The following TMEM245 variants were observed in gnomAD, a reference collection of about 807,000 sequenced individuals.
TMEM245 encodes transmembrane protein 245.
TMEM245 carries 69 observed loss-of-function variants against 101.2 expected under a neutral mutation model. The ratio of observed to expected loss-of-function variants is 0.68; its 90% confidence interval spans 0.56 to 0.83. The LOEUF is 0.83. Among genes scored for constraint, TMEM245 ranks in the 40% least tolerant of loss-of-function variants. The pLI is 0.00. For synonymous variants in TMEM245, 537 were observed against 449.8 expected, an observed-to-expected ratio of 1.19 and a Z score of -2.45; for missense variants, 1,075 against 1,092.8, an observed-to-expected ratio of 0.98 and a Z score of 0.23.
At chr9:109,021,120 C>T (rs535448258) in intron 17 of TMEM245, among the ~76,000 whole-genome samples, 1 of 152,276 alleles carries the variant, frequency 6.6e-6, no homozygotes, top group African/African-American at 2.4e-5. Flanking sequence ...GGTGGCTGAG[C>T]ACCGTGCCTG....
At chr9:109,073,218 AT>A in intron 9 of TMEM245, 137 bp downstream of exon 9, 2 of 670,988 alleles carry the variant, frequency 3.0e-6, no homozygotes, top group East Asian at 5.2e-5. Context: ...TTCTTCAAAA[AT>A]GACAATATTT....
chr9:109,086,405 C>T (rs1223754482), intron 6 of TMEM245, among the ~76,000 whole-genome samples: 1 of 152,142 alleles, frequency 6.6e-6, no homozygotes, highest in Non-Finnish European at 1.5e-5. Context: ...ATCACTTCCT[C>T]TGCTAACCTT....
Position 109,091,087 on chromosome 9 carries a change from T to C in TMEM245, c.985A>G (p.Thr329Ala), listed in dbSNP as rs1829991253. ...TSPSPSSPSP[T>A]SPSPTLGRRR... ...CTGCCCAGAGTAGGTGAAGGGGAAG[T>C]GGGTGAAGGGGAGGAGGGTGAAGGG... is the stretch of plus-strand genomic sequence containing the variant. The change falls in exon 5 of 18, where the codon ACT becomes GCT. Residue 329 changes from threonine to alanine, a missense_variant. Around this residue, in one of 2 missense-constraint regions of TMEM245, gnomAD observed 808 missense variants for 741.5 expected, o/e 1.09. Coordinates refer to ENST00000374586, the MANE Select transcript of TMEM245 (RefSeq NM_032012.4). 1.2e-6 allele frequency: 2 copies of C among 1,613,666 alleles called. No homozygotes were observed. Among genetic ancestry groups the C allele is most frequent in the Admixed American group, 1.7e-5 (1 of 59,980 alleles).
rs757955000 is a variant in TMEM245 at position 109,050,576 on chromosome 9, G to C, written c.1971C>G (p.Leu657=). The C allele has an allele frequency of 1.2e-6, 2 of 1,613,808 alleles. No individual in the cohort carries two copies. The highest frequency in any genetic ancestry group is 1.7e-5 in the Admixed American group (1 of 59,946). The change falls in exon 13 of 18, where the codon CTC becomes CTG. Residue 657 remains leucine (L), a synonymous_variant. Transcript: ENST00000374586. The part of the protein sequence containing the change: ...YSGTALLNFV[L]SLIIFLTTLF... ...CTTATCTATGTGGACGTACCAGAGA[G>C]AGTACAAAATTGAGAAGGGCTGTCC... is the stretch of plus-strand genomic sequence containing the variant.
chr9:109,067,819 T>C (rs1419454716), intron 9 of TMEM245, among the ~76,000 whole-genome samples: 1 of 152,144 alleles, frequency 6.6e-6, no homozygotes, highest in Non-Finnish European at 1.5e-5. Context: ...ACATGGGCCA[T>C]ATAAAACCAC....
chr9:109,060,591 T>G, intron 10 of TMEM245, 139 bp from the exon 11 acceptor site: 1 of 579,162 alleles, frequency 1.7e-6, no homozygotes, highest in Non-Finnish European at 3.0e-6. Context: ...TATTACGTTC[T>G]TTCCTTAAAT....
intron 10 of TMEM245, among the ~76,000 whole-genome samples, chr9:109,064,064 T>C (rs1387932643): frequency 6.6e-6 from 1 of 152,056 alleles, no homozygotes; most frequent in Non-Finnish European, 1.5e-5. Context: ...AAATAATTCA[T>C]ACTGCAGGCT....
chr9:109,039,334 C>A (rs746755927), intron 14 of TMEM245: 1 of 151,978 alleles, frequency 6.6e-6, no homozygotes, highest in South Asian at 2.1e-4. Context: ...CAAAAGGAAG[C>A]GAAAGACCCC....
chr9:109,019,668 A>T lies in TMEM245; in HGVS notation c.*792T>A, dbSNP rs1218211612. 6.6e-6 allele frequency: 1 copy of T among 152,586 alleles called. No individual in the cohort carries two copies. The highest frequency in any genetic ancestry group is 1.5e-5 in the Non-Finnish European group (1 of 68,040). 9.5% of individuals were successfully genotyped at this position (152,586 alleles called of 1,614,324 possible). On this transcript the variant is annotated 3_prime_UTR_variant, in exon 18 of 18. Transcript: ENST00000374586. ...AAATCAGAGTATTGCTACACCTGAG[A>T]TTTTTCACTTCAACCACCTGGAAGG...
intron 8 of TMEM245, among the ~76,000 whole-genome samples, chr9:109,077,099 G>C (rs1167102595): frequency 6.6e-6 from 1 of 151,142 alleles, no homozygotes; most frequent in Non-Finnish European, 1.5e-5. Context: ...TAATATAAAA[G>C]AATATAATTG....
chr9:109,046,336 G>A, intron 14 of TMEM245: 1 of 533,054 alleles, frequency 1.9e-6, no homozygotes, highest in Non-Finnish European at 3.9e-6. Flanking sequence ...GGGAAGAAGG[G>A]TGTGATGTAT....
At chr9:109,042,621 C>G (rs1828345452) in intron 14 of TMEM245, 1 of 152,036 alleles carries the variant, frequency 6.6e-6, no homozygotes, top group Non-Finnish European at 1.5e-5. Flanking sequence ...CTCCTTCATT[C>G]TGACTCTCCT....
At chr9:109,022,093 A>G (rs1827643936) in intron 17 of TMEM245, among the ~76,000 whole-genome samples, 1 of 152,218 alleles carries the variant, frequency 6.6e-6, no homozygotes, top group South Asian at 2.1e-4. Context: ...AGATCAATTA[A>G]AGACTAACCT....
chr9:109,041,596 G>A (rs755953822), intron 14 of TMEM245, among the ~76,000 whole-genome samples: 1 of 150,428 alleles, frequency 6.6e-6, no homozygotes, highest in African/African-American at 2.5e-5. Flanking sequence ...CCCAGGGGCT[G>A]AGAGATGGTC....
intron 2 of TMEM245, among the ~76,000 whole-genome samples, chr9:109,106,855 G>A (rs1188075444): frequency 6.6e-6 from 1 of 152,002 alleles, no homozygotes; most frequent in Admixed American, 6.6e-5. Context: ...TACCTTTAAT[G>A]GGGTTCTATT....
intron 9 of TMEM245, 199 bp downstream of exon 9, chr9:109,073,157 T>A: frequency 1.8e-6 from 1 of 560,474 alleles, no homozygotes; most frequent in Admixed American, 3.1e-5. Flanking sequence ...CCATGAATTG[T>A]ACCTAAAATC....
chr9:109,064,405 T>C, intron 10 of TMEM245, 72 bp downstream of exon 10: 1 of 1,367,374 alleles, frequency 7.3e-7, no homozygotes, highest in African/African-American at 1.5e-5. Flanking sequence ...ACTTATGTTT[T>C]ATCAAAGCAA....
chr9:109,086,805 A>G (rs1829853233), intron 6 of TMEM245, among the ~76,000 whole-genome samples: 2 of 152,202 alleles, frequency 1.3e-5, no homozygotes, highest in South Asian at 4.1e-4. Context: ...AGGACTTAAT[A>G]CAGTATCTGA....
intron 12 of TMEM245, among the ~76,000 whole-genome samples, chr9:109,056,567 G>T (rs1828844825): frequency 6.6e-6 from 1 of 151,426 alleles, no homozygotes; most frequent in Non-Finnish European, 1.5e-5. Context: ...AGTAAACTGA[G>T]ATCACACTAC....
Sources: gnomAD v4.1 joint callset for allele counts (sites outside exome capture counted in the v4.1 genomes callset) on GRCh38, gnomAD v4.1.1 for gene constraint, gnomAD v4.1.1 regional missense constraint, MANE v1.5 for transcripts, NCBI Gene and HGNC (gene_info 2026-07-23, HGNC 2026-07-21) for gene names.